SORL1: variants seen among roughly 807,000 people sequenced by gnomAD.
SORL1 encodes the protein sortilin related receptor 1, also known as sortilin-related receptor.
Under a neutral mutation model 273.7 loss-of-function variants are expected in SORL1, and 127 were observed. The observed-to-expected ratio is 0.46, with a 90% confidence interval of 0.40 to 0.54. The LOEUF is 0.54. Among genes scored for constraint, SORL1 ranks in the 20% least tolerant of loss-of-function variants. The probability of loss-of-function intolerance (pLI) is 0.00; values close to 1 mark genes in which losing one functional copy is unlikely to be tolerated. For missense variants in SORL1, 2,494 were observed against 2,846.1 expected (o/e 0.88, Z 2.81); for synonymous variants, 1,031 against 1,067.4 (o/e 0.97, Z 0.66).
intron 3 of SORL1, among the ~76,000 whole-genome samples, chr11:121,479,719 G>A (rs1861342654): frequency 6.6e-6 from 1 of 152,192 alleles, no homozygotes. Flanking sequence ...CAGGGCAGCG[G>A]CTGTTGACCA....
rs372331509 is a variant in SORL1 at position 121,607,818 on chromosome 11, A to C, written c.5167-286A>C. On this transcript the variant is annotated intron_variant, in intron 37 of 47. Transcript: ENST00000260197. ...TGTATATGTGTGTATTTATGAACACACCCCCCCATACACCTGCCCTTTAGA... is the reference window on the plus strand; with the variant it reads ...TGTATATGTGTGTATTTATGAACACCCCCCCCCATACACCTGCCCTTTAGA... Among the ~76,000 whole-genome samples the C allele has an allele frequency of 9.9e-5, 15 of 152,022 alleles. 1 individual carries two copies. In the South Asian group the frequency reaches 1.2e-3, roughly 13 times the overall value.
At chr11:121,535,515 A>C (rs961125954) in intron 12 of SORL1, among the ~76,000 whole-genome samples, 1 of 152,170 alleles carries the variant, frequency 6.6e-6, no homozygotes, top group African/African-American at 2.4e-5. Flanking sequence ...CCAGATGCAG[A>C]GAGAGAGGCT....
At chr11:121,597,230 C>T (rs977257218) in intron 32 of SORL1, among the ~76,000 whole-genome samples, 14 of 152,194 alleles carry the variant, frequency 9.2e-5, no homozygotes, top group East Asian at 1.9e-4. Flanking sequence ...CTGTCTGTAG[C>T]GTTGTTCTCC....
intron 25 of SORL1, among the ~76,000 whole-genome samples, chr11:121,582,201 A>G (rs564398701): frequency 6.6e-6 from 1 of 152,320 alleles, no homozygotes; most frequent in South Asian, 2.1e-4. Context: ...TGGATTTCTG[A>G]CCATTGCAAA....
intron 23 of SORL1, among the ~76,000 whole-genome samples, chr11:121,571,491 G>C (rs1172977201): frequency 6.6e-6 from 1 of 152,248 alleles, no homozygotes; most frequent in Non-Finnish European, 1.5e-5. Context: ...TGCGTTTGAT[G>C]GAGAGAGACC....
Position 121,567,020 on chromosome 11 carries a change from G to C in SORL1, c.3130G>C (p.Glu1044Gln). ...ANNSRSCRCP[E>Q]DVSSSVLPSG... is the part of the protein sequence containing the mutation. Reference sequence around the variant, plus strand: ...CAACAGTAGAAGCTGCAGGTGTCCAGAGGATGTGTCCAGCAGTGTGCTTCC... The same window carrying C: ...CAACAGTAGAAGCTGCAGGTGTCCACAGGATGTGTCCAGCAGTGTGCTTCC... Residue 1044 changes from glutamate (E) to glutamine (Q), a missense_variant, in exon 22 of 48, where the codon GAG becomes CAG. Transcript: ENST00000260197. The C allele has an allele frequency of 1.2e-6, 2 of 1,614,206 alleles. No individual in the cohort carries two copies. Among genetic ancestry groups the C allele is most frequent in the African/African-American group, 2.7e-5 (2 of 75,058 alleles).
chr11:121,485,395 T>G (rs1861459510), intron 3 of SORL1, among the ~76,000 whole-genome samples: 1 of 152,236 alleles, frequency 6.6e-6, no homozygotes, highest in Non-Finnish European at 1.5e-5. Flanking sequence ...CAATGCTGCC[T>G]AGTCCTGCGT....
In SORL1 at chr11:121,627,406, G is replaced by A. The variant is rs1017948108; in HGVS notation, c.6365-149G>A. On this transcript the variant is annotated intron_variant, in intron 46 of 47. Coordinates refer to ENST00000260197, the MANE Select transcript of SORL1 (RefSeq NM_003105.6). This position sits in a 1 kb window ranked among gnomAD's most constrained non-coding sequence, Gnocchi z 4.9. ...TAGTGGGGAAGCAATCAGGCATCAC[G>A]CACATGCAGAAACGTCTCACACCAG... 8 of 662,620 alleles carry A rather than the reference G, an allele frequency of 1.2e-5. No individual in the cohort carries two copies. The highest frequency in any genetic ancestry group is 1.9e-5 in the Non-Finnish European group (7 of 373,320). 41.0% of individuals were successfully genotyped at this position (662,620 alleles called of 1,614,324 possible). A position where few individuals can be genotyped will look rare whatever the true frequency, so the allele number is the denominator to read the frequency against.
intron 11 of SORL1, among the ~76,000 whole-genome samples, chr11:121,524,726 TA>T (rs1202524345): frequency 4.6e-5 from 7 of 152,078 alleles, no homozygotes; most frequent in African/African-American, 1.7e-4. Context: ...TTTCTCTTTT[TA>T]AATAATTTTT....
In SORL1 at chr11:121,452,765, A is replaced by C; in HGVS notation, c.285+149A>C. On this transcript the variant is annotated intron_variant, in intron 1 of 47. Coordinates refer to ENST00000260197, the MANE Select transcript of SORL1 (RefSeq NM_003105.6). This position sits in a 1 kb window ranked among gnomAD's most constrained non-coding sequence, Gnocchi z 5.3. Reference sequence around the variant, plus strand: ...TTTGTTTTTTTCCTTCACGAGTACAACCGTCAGCACTTGAATCGCATTGAT... The same window carrying C: ...TTTGTTTTTTTCCTTCACGAGTACACCCGTCAGCACTTGAATCGCATTGAT... 1.6e-6 allele frequency: 1 copy of C among 619,780 alleles called. No homozygotes were observed. The highest frequency in any genetic ancestry group is 2.5e-6 in the Non-Finnish European group (1 of 393,712). The allele number at this position is 619,780 out of a possible 1,614,324, so 38.4% of individuals were successfully genotyped here.
chr11:121,562,891 G>C (rs1475450317), intron 21 of SORL1, among the ~76,000 whole-genome samples: 1 of 152,188 alleles, frequency 6.6e-6, no homozygotes, highest in Non-Finnish European at 1.5e-5. Context: ...TGCAGTTTCA[G>C]GTGTCAGCTA....
chr11:121,535,489 C>T (rs1284604110), intron 12 of SORL1, among the ~76,000 whole-genome samples: 1 of 152,114 alleles, frequency 6.6e-6, no homozygotes, highest in Non-Finnish European at 1.5e-5. Flanking sequence ...CACTGTGGCT[C>T]TGTGATGTTT....
At chr11:121,543,881 T>C (rs1414678901) in intron 13 of SORL1, among the ~76,000 whole-genome samples, 155 bp downstream of exon 13, 2 of 152,212 alleles carry the variant, frequency 1.3e-5, no homozygotes, top group East Asian at 3.8e-4. Flanking sequence ...AGGGAGGTAA[T>C]TGAAGGCCTG....
At chr11:121,581,572 C>T (rs1056649357) in intron 25 of SORL1, among the ~76,000 whole-genome samples, 6 of 152,040 alleles carry the variant, frequency 3.9e-5, no homozygotes, top group African/African-American at 1.5e-4. Context: ...ATTAAGCATG[C>T]AGTATTTACC....
At position 121,550,130 on chromosome 11, in the gene SORL1, C is replaced by G; in HGVS notation, c.2180+42C>G. 6.3e-7 allele frequency: 1 copy of G among 1,596,588 alleles called. No homozygotes were observed. Among genetic ancestry groups the G allele is most frequent in the South Asian group, 1.1e-5 (1 of 88,962 alleles). On this transcript the variant is annotated intron_variant, in intron 15 of 47. Coordinates refer to ENST00000260197, the MANE Select transcript of SORL1 (RefSeq NM_003105.6). The surrounding 1 kb of genome is among the most constrained non-coding windows in gnomAD (Gnocchi z 5.3). ...TTGCCCTGTCAGGTTCTCAGCGGTC[C>G]GCACATGGAGCGAGAGAGCATAGAG...
chr11:121,589,175 C>G, intron 28 of SORL1, 84 bp from the exon 29 acceptor site: 1 of 1,492,224 alleles, frequency 6.7e-7, no homozygotes, highest in Non-Finnish European at 9.3e-7. Context: ...CACTGCTGTT[C>G]CCCCTTGCTT....
intron 12 of SORL1, among the ~76,000 whole-genome samples, chr11:121,534,120 G>A (rs1862237875): frequency 6.6e-6 from 1 of 152,218 alleles, no homozygotes; most frequent in Admixed American, 6.5e-5. Flanking sequence ...AACAATTGTA[G>A]TGTTTGGTAT....
At chr11:121,462,651 C>G (rs1261009680) in intron 1 of SORL1, among the ~76,000 whole-genome samples, 1 of 152,190 alleles carries the variant, frequency 6.6e-6, no homozygotes, top group African/African-American at 2.4e-5. Context: ...GTGGCATGAT[C>G]ATAGCTCACT....
At chr11:121,549,927 C>T (rs755520355) in intron 14 of SORL1, 33 bp from the exon 15 acceptor site, 13 of 1,607,228 alleles carry the variant, frequency 8.1e-6, no homozygotes, top group Middle Eastern at 1.7e-4. Context: ...TGTATAAAAC[C>T]GTGGCCTTAA....
Sources: allele counts gnomAD v4.1 joint callset (sites outside exome capture counted in the v4.1 genomes callset), GRCh38; gene constraint gnomAD v4.1.1; non-coding constraint Gnocchi (gnomAD v3.1); transcripts MANE v1.5; gene names NCBI Gene and HGNC (gene_info 2026-07-23, HGNC 2026-07-21).